MYOM3: variants seen among roughly 807,000 people sequenced by gnomAD.
MYOM3 encodes myomesin 3, also known as myomesin-3.
MYOM3 carries 155 observed loss-of-function variants against 191.7 expected under a neutral mutation model. That is an observed-to-expected ratio of 0.81 (90% CI 0.71 to 0.92). The LOEUF (loss-of-function observed/expected upper bound fraction) is 0.92, where lower values mean the gene tolerates loss of function less well. MYOM3 is among the 40% of genes least tolerant of loss of function. MYOM3 has a pLI of 0.00. For missense variants in MYOM3, 1,889 were observed against 1,890.6 expected (o/e 1.00, Z 0.02); for synonymous variants, 757 against 762.9 (o/e 0.99, Z 0.13).
chr1:24,095,382 G>A, intron 8 of MYOM3, 60 bp downstream of exon 8: 6 of 1,500,912 alleles, frequency 4.0e-6, no homozygotes, highest in Non-Finnish European at 5.5e-6. Context: ...GGACTGTGGG[G>A]GTCGGGGAGC....
Position 24,063,369 on chromosome 1 carries a change from T to C in MYOM3, c.3661+123A>G. 2.8e-6 allele frequency: 4 copies of C among 1,413,258 alleles called. No homozygotes were observed. The South Asian group carries it at 4.6e-5, about 16-fold the overall frequency. 87.5% of individuals were successfully genotyped at this position (1,413,258 alleles called of 1,614,324 possible). A position where few individuals can be genotyped will look rare whatever the true frequency, so the allele number is the denominator to read the frequency against. ...GCAGTGCTGTGAAGAGGCGGGATTT[T>C]CTCTTCGGTGTTTGAGGTTAGAAAC... On this transcript the variant is annotated intron_variant, in intron 31 of 36. Coordinates refer to ENST00000374434, the MANE Select transcript of MYOM3 (RefSeq NM_152372.4). This position sits in a 1 kb window ranked among gnomAD's most constrained non-coding sequence, Gnocchi z 4.5.
chr1:24,076,281 C>T lies in MYOM3; in HGVS notation c.2587-8G>A. ...TGGCTGCAAGTCGGAAACCTGGGGG[C>T]AGAGGGCAAGAGCCAGCACTGAGGA... On this transcript the variant is annotated splice_polypyrimidine_tract_variant and splice_region_variant and intron_variant, in intron 20 of 36. Transcript: ENST00000374434. 6.2e-7 allele frequency: 1 copy of T among 1,609,632 alleles called. No homozygotes were observed. The highest frequency in any genetic ancestry group is 1.3e-5 in the African/African-American group (1 of 74,942).
rs369560899 is a variant in MYOM3, at chr1:24,057,432, C to G, written c.4246G>C (p.Glu1416Gln). ...ACACTGATGGTGACCTGGCCCGTCT[C>G]GGAGCCATACTTGTTCTTGACGAAG... ...GVFVKNKYGS[E>Q]TGQVTISVFK... The change falls in exon 37 of 37, where the codon GAG becomes CAG. Residue 1416 changes from glutamate to glutamine, a missense_variant. Transcript: ENST00000374434. The G allele has an allele frequency of 2.2e-5, 35 of 1,614,070 alleles. No homozygotes were observed. The African/African-American group carries it at 3.1e-4, about 14-fold the overall frequency.
At chr1:24,110,383 C>T (rs549490381) in intron 1 of MYOM3, among the ~76,000 whole-genome samples, 22 of 151,878 alleles carry the variant, frequency 1.4e-4, no homozygotes, top group East Asian at 7.8e-4. Context: ...TGTGTGTGTG[C>T]GTGCATGTGT....
rs76035600 is a variant in MYOM3 at position 24,066,660 on chromosome 1, G to A, written c.3423+361C>T. On this transcript the variant is annotated intron_variant, in intron 28 of 36. Transcript: ENST00000374434. Reference sequence around the variant, plus strand: ...CCTGTGTCACAGATGATTGTGAGGCGGATGAAATAATACTGTGAGTCTCTG... The same window carrying A: ...CCTGTGTCACAGATGATTGTGAGGCAGATGAAATAATACTGTGAGTCTCTG... 3.0e-3 allele frequency: 1,058 copies of A among 355,988 alleles called. 15 individuals are homozygous for A. Among genetic ancestry groups the A allele is most frequent in the African/African-American group, 0.018 (859 of 48,374 alleles). 22.1% of individuals were successfully genotyped at this position (355,988 alleles called of 1,614,324 possible). A position where few individuals can be genotyped will look rare whatever the true frequency, so the allele number is the denominator to read the frequency against.
In MYOM3 at chr1:24,105,949, G is replaced by A; in HGVS notation, c.531C>T (p.Val177=). The A allele has an allele frequency of 6.2e-7, 1 of 1,613,612 alleles. No homozygotes were observed. Among genetic ancestry groups the A allele is most frequent in the Non-Finnish European group, 8.5e-7 (1 of 1,179,828 alleles). ...TGACCTGGGGTGGTGGTGAGGCCTG[G>A]ACAGTGCAGGTCAGCAGGACCGTGG... ...EHTTVLLTCT[V]QASPPPQVTW... is the part of the protein sequence containing the mutation. The change falls in exon 5 of 37, where the codon GTC becomes GTT. Residue 177 remains valine, a synonymous_variant. Transcript: ENST00000374434.
At chr1:24,061,246 A>T in intron 34 of MYOM3, 27 bp downstream of exon 34, 1 of 1,613,924 alleles carries the variant, frequency 6.2e-7, no homozygotes, top group South Asian at 1.1e-5. Context: ...CCTATAATTC[A>T]CACTGAGAAA....
intron 8 of MYOM3, 65 bp from the exon 9 acceptor site, chr1:24,095,055 A>G: frequency 2.0e-6 from 3 of 1,536,272 alleles, no homozygotes; most frequent in Non-Finnish European, 2.6e-6. Flanking sequence ...GGGACTTAGG[A>G]GTGAGGAAAT....
At chr1:24,089,177 A>C (rs947461282) in intron 14 of MYOM3, among the ~76,000 whole-genome samples, 1 of 152,134 alleles carries the variant, frequency 6.6e-6, no homozygotes, top group African/African-American at 2.4e-5. Context: ...TTTCCCTCCC[A>C]ACATAGTCCC....
At position 24,065,918 on chromosome 1, in the gene MYOM3, C is replaced by T. The variant is rs367721564; in HGVS notation, c.3507G>A (p.Thr1169=). ...EMPDGQYDPE[T]GTGLLCIEEL... ...CTTCAATGCAGAGAAGTCCCGTTCC[C>T]GTCTCTGGGTCATACTGACCATCTG... Residue 1169 remains threonine (T), a synonymous_variant, in exon 29 of 37, where the codon ACG becomes ACA. Coordinates refer to ENST00000374434, the MANE Select transcript of MYOM3 (RefSeq NM_152372.4). 6.6e-5 allele frequency: 106 copies of T among 1,613,460 alleles called. 1 individual carries two copies. In the East Asian group the frequency reaches 1.2e-3, roughly 18 times the overall value.
intron 16 of MYOM3, chr1:24,084,151 C>T: frequency 3.3e-6 from 1 of 306,888 alleles, no homozygotes; most frequent in South Asian, 3.4e-5. Flanking sequence ...GAGATTGGAT[C>T]ATGGGGGCGG....
At chr1:24,086,992 T>C (rs1643758334) in intron 14 of MYOM3, among the ~76,000 whole-genome samples, 165 bp from the exon 15 acceptor site, 1 of 151,722 alleles carries the variant, frequency 6.6e-6, no homozygotes, top group Non-Finnish European at 1.5e-5. Flanking sequence ...CCTCCTCACC[T>C]CTCCACCCGG....
intron 4 of MYOM3, among the ~76,000 whole-genome samples, 188 bp downstream of exon 4, chr1:24,106,885 A>T (rs1643987822): frequency 6.6e-6 from 1 of 152,188 alleles, no homozygotes; most frequent in Admixed American, 6.5e-5. Flanking sequence ...TACAGATGAG[A>T]ACACTGAGGC....
rs1289538439 is a variant in MYOM3 at position 24,081,524 on chromosome 1, G to A, written c.2281-68C>T. 5.1e-6 allele frequency: 8 copies of A among 1,575,206 alleles called. No homozygotes were observed. The South Asian group carries it at 6.9e-5, about 14-fold the overall frequency. On this transcript the variant is annotated intron_variant, in intron 18 of 36. Coordinates refer to ENST00000374434, the MANE Select transcript of MYOM3 (RefSeq NM_152372.4). ...AGGGATGGGGAACAGAAGCAGTGGTGCGGGAGGGACTCAGAGCAGGTGGTC... is the reference window on the plus strand; with the variant it reads ...AGGGATGGGGAACAGAAGCAGTGGTACGGGAGGGACTCAGAGCAGGTGGTC...
At chr1:24,109,579 C>T (rs1001999061) in intron 1 of MYOM3, among the ~76,000 whole-genome samples, 2 of 152,226 alleles carry the variant, frequency 1.3e-5, no homozygotes, top group Non-Finnish European at 2.9e-5. Flanking sequence ...GACTGTTCAA[C>T]AAGACTGTAA....
rs138563422 is a variant in MYOM3 at position 24,063,620 on chromosome 1, A to G, written c.3623-90T>C. ...GGACATCCTAGAAAAAGGCTGGTGG[A>G]GCCCGTGAGCTGCTCTCAGGGGGAC... On this transcript the variant is annotated intron_variant, in intron 30 of 36. Coordinates refer to ENST00000374434, the MANE Select transcript of MYOM3 (RefSeq NM_152372.4). The surrounding 1 kb of genome is among the most constrained non-coding windows in gnomAD (Gnocchi z 4.5). 182 of 1,458,626 alleles carry G rather than the reference A, an allele frequency of 1.2e-4. 1 individual carries two copies. The highest frequency in any genetic ancestry group is 5.2e-4 in the Middle Eastern group (3 of 5,800). The allele number at this position is 1,458,626 out of a possible 1,614,324, so 90.4% of individuals were successfully genotyped here.
In MYOM3 at chr1:24,090,862, C is replaced by T; in HGVS notation, c.1367G>A (p.Ser456Asn). The T allele has an allele frequency of 1.9e-6, 3 of 1,614,172 alleles. No individual in the cohort carries two copies. Among genetic ancestry groups the T allele is most frequent in the Non-Finnish European group, 2.5e-6 (3 of 1,180,026 alleles). The stretch of plus-strand genomic sequence containing the variant: ...CAACTCTGAGGCCTTGGAGGGGACG[C>T]TGCTGCCTACCCTGCTGATGGCTCT... ...RVRAISRVGSSVPSKASELVV... is the reference protein window; with the variant it reads ...RVRAISRVGSNVPSKASELVV... Residue 456 changes from serine to asparagine, a missense_variant, in exon 12 of 37, where the codon AGC becomes AAC. Coordinates refer to ENST00000374434, the MANE Select transcript of MYOM3 (RefSeq NM_152372.4).
chr1:24,084,894 TAC>T (rs776819707), intron 15 of MYOM3, among the ~76,000 whole-genome samples: 12 of 152,260 alleles, frequency 7.9e-5, no homozygotes, highest in Non-Finnish European at 1.6e-4. Flanking sequence ...CATTCATCCT[TAC>T]ACACACACAC....
Position 24,081,430 on chromosome 1 carries a change from G to A in MYOM3, c.2307C>T (p.Phe769=). 6.2e-7 allele frequency: 1 copy of A among 1,614,184 alleles called. No individual in the cohort carries two copies. The highest frequency in any genetic ancestry group is 8.5e-7 in the Non-Finnish European group (1 of 1,180,032). ...TGGCAGCCCGGGCACGGAACTCATAGAAGTGGCCTTCATGAAGGTCACTGA... is the reference window on the plus strand; with the variant it reads ...TGGCAGCCCGGGCACGGAACTCATAAAAGTGGCCTTCATGAAGGTCACTGA... ...CKVSDLHEGH[F]YEFRARAANW... is the part of the protein sequence containing the mutation. Residue 769 remains phenylalanine, a synonymous_variant, in exon 19 of 37, where the codon TTC becomes TTT. Transcript: ENST00000374434.
Sources: gnomAD v4.1 joint callset for allele counts (sites outside exome capture counted in the v4.1 genomes callset) on GRCh38, gnomAD v4.1.1 for gene constraint, Gnocchi (gnomAD v3.1) non-coding constraint, MANE v1.5 for transcripts, NCBI Gene and HGNC (gene_info 2026-07-23, HGNC 2026-07-21) for gene names.